Variants in WDR45 observed in about 807,000 individuals in gnomAD.
WDR45 encodes the protein WD repeat domain 45.
Under a neutral mutation model 27.3 loss-of-function variants are expected in WDR45, and 2 were observed. The observed-to-expected ratio is 0.07, with a 90% confidence interval of 0.03 to 0.23. WDR45 has a LOEUF of 0.23. Ranked by LOEUF, WDR45 falls within the 10% of genes least tolerant of loss-of-function variation. The pLI, the probability that WDR45 is intolerant of heterozygous loss-of-function variation, is 1.00. For missense variants in WDR45, 175 were observed against 311.9 expected (o/e 0.56, Z 3.31); for synonymous variants, 99 against 119.2 (o/e 0.83, Z 1.11).
At chrX:49,096,980 C>T (rs782577435) in intron 2 of WDR45, among the ~76,000 whole-genome samples, 17 of 111,704 alleles carry the variant, frequency 1.5e-4, no homozygotes, top group African/African-American at 5.5e-4. Flanking sequence ...CCTCGTGATC[C>T]GCCCACCTCG....
rs190815971 is a variant in WDR45 at position 49,077,898 on chromosome X, G to A, written c.69C>T (p.Cys23=). Reference sequence around the variant, plus strand: ...AGATGCGCACACCTGTCTCCATGGCGCAGCAAAAGCAGCCTGGGGGATGGA... The same window carrying A: ...AGATGCGCACACCTGTCTCCATGGCACAGCAAAAGCAGCCTGGGGGATGGA... ...RFNQDQSCFC[C]AMETGVRIYN... is the part of the protein sequence containing the mutation. Residue 23 remains cysteine (C), a synonymous_variant, in exon 3 of 11, where the codon TGC becomes TGT. Coordinates refer to ENST00000376372, the MANE Select transcript of WDR45 (RefSeq NM_001029896.2). The A allele has an allele frequency of 2.9e-5, 35 of 1,210,419 alleles. No homozygotes were observed. The highest frequency in any genetic ancestry group is 3.6e-5 in the Non-Finnish European group (32 of 895,217).
chrX:49,096,901 A>G (rs2065127379), intron 2 of WDR45, among the ~76,000 whole-genome samples: 1 of 111,828 alleles, frequency 8.9e-6, no homozygotes, highest in East Asian at 2.8e-4. Context: ...CTACAGGTGC[A>G]CACCACCATG....
At chrX:49,086,372 C>T (rs987551521) in intron 2 of WDR45, among the ~76,000 whole-genome samples, 33 of 110,836 alleles carry the variant, frequency 3.0e-4, no homozygotes, top group Admixed American at 2.9e-3. Context: ...AGGTTGGTCT[C>T]GAACTCCTGA....
chrX:49,089,528 G>A (rs2065097297), intron 2 of WDR45, among the ~76,000 whole-genome samples: 1 of 109,607 alleles, frequency 9.1e-6, no homozygotes, highest in Non-Finnish European at 1.9e-5. Flanking sequence ...CTACGTAGCT[G>A]GAATTACAGG....
In WDR45 at chrX:49,099,791, A is replaced by C. The variant is rs868938931; in HGVS notation, c.-18+414T>G. On this transcript the variant is annotated intron_variant, in intron 2 of 11. Transcript: ENST00000356463. ...GCGAGACTATGTCTCAAAAAAAAAA[A>C]AACAAAAAAAAACAAAAAAAAACAC... Among the ~76,000 whole-genome samples the C allele has an allele frequency of 5.3e-4, 53 of 99,387 alleles. 2 individuals are homozygous for C. The highest frequency in any genetic ancestry group is 1.9e-3 in the African/African-American group (51 of 26,853). The allele number at this position is 99,387 out of a possible 115,157, so 86.3% of individuals were successfully genotyped here.
chrX:49,076,418 G>C lies in WDR45; in HGVS notation c.436+12C>G, dbSNP rs782136335. 1 of 1,209,576 alleles carries C rather than the reference G, an allele frequency of 8.3e-7. No homozygotes were observed. Among genetic ancestry groups the C allele is most frequent in the South Asian group, 1.8e-5 (1 of 56,958 alleles). ...TTCATGCCCTTACACCTGTGTATCT[G>C]AGCCCTCTCACCCTTGGGGTTGTCC... On this transcript the variant is annotated intron_variant, in intron 6 of 10. Coordinates refer to ENST00000376372, the MANE Select transcript of WDR45 (RefSeq NM_001029896.2).
At chrX:49,085,757 G>A (rs2065084273) in intron 2 of WDR45, among the ~76,000 whole-genome samples, 1 of 112,610 alleles carries the variant, frequency 8.9e-6, no homozygotes, top group Admixed American at 9.4e-5. Flanking sequence ...TGTGCCTCTA[G>A]TCCCAGCTAC....
Position 49,075,934 on chromosome X carries a change from G to C in WDR45, c.448C>G (p.Leu150Val), listed in dbSNP as rs782794836. The change falls in exon 7 of 11, where the codon CTC (leucine) becomes GTC (valine). Residue 150 changes from leucine (L) to valine (V), a missense_variant. Coordinates refer to ENST00000376372, the MANE Select transcript of WDR45 (RefSeq NM_001029896.2). ...TRDNPKGLCD[L>V]CPSLEKQLLV... ...AGTTGCTTCTCCAGGCTGGGGCAGA[G>C]GTCACAGAGCCCTAGGGTGTGAAGA... is the stretch of plus-strand genomic sequence containing the variant. 3 of 1,207,555 alleles carry C rather than the reference G, an allele frequency of 2.5e-6. No individual in the cohort carries two copies. The highest frequency in any genetic ancestry group is 3.4e-6 in the Non-Finnish European group (3 of 894,086).
At chrX:49,090,895 G>A (rs2065102390) in intron 2 of WDR45, among the ~76,000 whole-genome samples, 1 of 98,479 alleles carries the variant, frequency 1.0e-5, no homozygotes, top group Non-Finnish European at 2.0e-5. Context: ...GTGCGGTGGC[G>A]CGATCTCGGC....
chrX:49,083,316 G>GTTTTT (rs781995765), upstream of WDR45, among the ~76,000 whole-genome samples: 5 of 72,023 alleles, frequency 6.9e-5, no homozygotes, highest in African/African-American at 2.4e-4. Context: ...CCGGCCTCTC[G>GTTTTT]TTTTTTTTTT....
At chrX:49,094,358 A>G (rs782063844) in intron 2 of WDR45, among the ~76,000 whole-genome samples, 1 of 110,830 alleles carries the variant, frequency 9.0e-6, no homozygotes, top group Non-Finnish European at 1.9e-5. Context: ...AATCCCAGCT[A>G]TTTAGGAGGC....
chrX:49,074,919 G>A lies in WDR45; in HGVS notation c.974-7C>T, dbSNP rs2147814504. 3 of 1,190,119 alleles carry A rather than the reference G, an allele frequency of 2.5e-6. No homozygotes were observed. The highest frequency in any genetic ancestry group is 3.4e-6 in the Non-Finnish European group (3 of 875,553). The stretch of plus-strand genomic sequence containing the variant: ...GTCCCATCTACGCAGATGGCTGGGG[G>A]AGGGGGGGTGGTAAAAGGTCAGAGG... On this transcript the variant is annotated splice_polypyrimidine_tract_variant and splice_region_variant and intron_variant, in intron 10 of 10. Transcript: ENST00000376372.
chrX:49,096,709 G>A (rs1405806788), intron 2 of WDR45, among the ~76,000 whole-genome samples: 1 of 112,687 alleles, frequency 8.9e-6, no homozygotes, highest in Non-Finnish European at 1.9e-5. Flanking sequence ...CTCACAAAGT[G>A]CTGGGATTAC....
At chrX:49,099,268 G>A (rs1334970214) in intron 2 of WDR45, among the ~76,000 whole-genome samples, 2 of 105,623 alleles carry the variant, frequency 1.9e-5, no homozygotes, top group Non-Finnish European at 3.9e-5. Flanking sequence ...AGGTTGCAGT[G>A]AGCCGAGATC....
At chrX:49,092,193 T>G (rs1234189829) in intron 2 of WDR45, among the ~76,000 whole-genome samples, 1 of 108,149 alleles carries the variant, frequency 9.2e-6, no homozygotes, top group Non-Finnish European at 1.9e-5. Flanking sequence ...TTTTGTATAC[T>G]TTGTTATATT....
intron 2 of WDR45, among the ~76,000 whole-genome samples, chrX:49,088,085 T>C (rs782339292): frequency 9.0e-6 from 1 of 111,637 alleles, no homozygotes; most frequent in African/African-American, 3.2e-5. Context: ...TGCCCATGCA[T>C]AGGGCTGTGA....
At position 49,074,833 on chromosome X, in the gene WDR45, G is replaced by A. The variant is rs781979588; in HGVS notation, c.1053C>T (p.Tyr351=). The A allele has an allele frequency of 1.8e-5, 22 of 1,209,608 alleles. No homozygotes were observed. The South Asian group carries it at 3.9e-4, about 21-fold the overall frequency. ...AGTCATCATCATCACAGATGTCAAG[G>A]TACACGTCGAAAGCCTCTCTGTTGC... is the stretch of plus-strand genomic sequence containing the variant. ...GNCNREAFDV[Y]LDICDDDDF Residue 351 remains tyrosine, a synonymous_variant, in exon 11 of 11, where the codon TAC becomes TAT. Coordinates refer to ENST00000376372, the MANE Select transcript of WDR45 (RefSeq NM_001029896.2).
rs1557084232 is a variant in WDR45, at chrX:49,076,442, C to G, written c.424G>C (p.Asp142His). 1 of 1,210,323 alleles carries G rather than the reference C, an allele frequency of 8.3e-7. No individual in the cohort carries two copies. The highest frequency in any genetic ancestry group is 1.7e-5 in the African/African-American group (1 of 57,413). ...TGAGCCCTCTCACCCTTGGGGTTGT[C>G]CCGGGTATCAAACTCAAACAGCTTT... ...PRKLFEFDTR[D>H]NPKGLCDLCP... Residue 142 changes from aspartate to histidine, a missense_variant, in exon 6 of 11, where the codon GAC becomes CAC. By Grantham distance (81) the Asp-to-His change is moderately conservative. Around this residue, in one of 3 missense-constraint regions of WDR45, gnomAD observed 102 missense variants for 165.4 expected, o/e 0.62. Coordinates refer to ENST00000376372, the MANE Select transcript of WDR45 (RefSeq NM_001029896.2).
At chrX:49,078,174 A>T in intron 1 of WDR45, 62 bp from the exon 2 acceptor site, 2 of 1,043,338 alleles carry the variant, frequency 1.9e-6, no homozygotes, top group South Asian at 3.9e-5. Flanking sequence ...GTTCTGCCTC[A>T]CCTGATTTCC....
Sources: gnomAD v4.1 joint callset for allele counts (sites outside exome capture counted in the v4.1 genomes callset) on GRCh38, gnomAD v4.1.1 for gene constraint, gnomAD v4.1.1 regional missense constraint, MANE v1.5 for transcripts, NCBI Gene and HGNC (gene_info 2026-07-23, HGNC 2026-07-21) for gene names.